Variants in NOS1AP observed in about 807,000 individuals in gnomAD.
NOS1AP encodes carboxyl-terminal PDZ ligand of neuronal nitric oxide synthase protein.
A neutral mutation model predicts 56.2 loss-of-function variants in NOS1AP; 21 were observed. The observed-to-expected ratio is 0.37, with a 90% confidence interval of 0.26 to 0.54. The LOEUF is 0.54. Among genes scored for constraint, NOS1AP ranks in the 20% least tolerant of loss-of-function variants. The pLI is 0.84. For missense variants in NOS1AP, 522 were observed against 657.8 expected (o/e 0.79, Z 2.26); for synonymous variants, 270 against 274.6 (o/e 0.98, Z 0.17).
At chr1:162,098,988 C>T (rs1015760174) in intron 1 of NOS1AP, among the ~76,000 whole-genome samples, 1 of 152,074 alleles carries the variant, frequency 6.6e-6, no homozygotes, top group Non-Finnish European at 1.5e-5. Flanking sequence ...GTGTATGTAT[C>T]CTTATAATAG....
chr1:162,357,247 C>T (rs1020346000), intron 8 of NOS1AP, 111 bp downstream of exon 8: 36 of 1,518,808 alleles, frequency 2.4e-5, no homozygotes, highest in Non-Finnish European at 2.9e-5. Flanking sequence ...CATAAGGAAT[C>T]GCTCATGCTA....
chr1:162,191,357 T>C (rs534333229), intron 2 of NOS1AP, among the ~76,000 whole-genome samples: 53 of 152,328 alleles, frequency 3.5e-4, no homozygotes, highest in Non-Finnish European at 4.0e-4. Context: ...GACTGTTCTT[T>C]CCTGGGGGGG....
chr1:162,240,398 AT>A (rs1453181746), intron 2 of NOS1AP, among the ~76,000 whole-genome samples: 4 of 152,146 alleles, frequency 2.6e-5, no homozygotes, highest in African/African-American at 9.7e-5. Context: ...TCAGGGAAAT[AT>A]TTTTGGCTTA....
chr1:162,264,196 C>T (rs750175791), intron 2 of NOS1AP, among the ~76,000 whole-genome samples: 8 of 152,128 alleles, frequency 5.3e-5, no homozygotes, highest in Non-Finnish European at 1.2e-4. Flanking sequence ...GGGTAAAGGC[C>T]ATACTTCTTC....
chr1:162,136,431 A>C (rs2102069112), intron 1 of NOS1AP, among the ~76,000 whole-genome samples: 1 of 152,314 alleles, frequency 6.6e-6, no homozygotes, highest in South Asian at 2.1e-4. Context: ...GATACAAAAG[A>C]AATGCAAGAC....
intron 2 of NOS1AP, among the ~76,000 whole-genome samples, chr1:162,169,053 C>T (rs981071603): frequency 6.6e-6 from 1 of 152,224 alleles, no homozygotes; most frequent in Non-Finnish European, 1.5e-5. Context: ...AGTCTTGCAC[C>T]CTTGGCGGGG....
chr1:162,234,450 CTCTTGGATGTCTCTTTTAT>C (rs764287438), intron 2 of NOS1AP, among the ~76,000 whole-genome samples: 3 of 142,014 alleles, frequency 2.1e-5, no homozygotes, highest in Non-Finnish European at 4.9e-5. Flanking sequence ...AGAAATTTTT[CTCTTGGATGTCTCTTTTAT>C]AGAAATTTTT....
At chr1:162,078,371 C>G (rs1691817424) in intron 1 of NOS1AP, among the ~76,000 whole-genome samples, 1 of 152,128 alleles carries the variant, frequency 6.6e-6, no homozygotes, top group Admixed American at 6.6e-5. Context: ...TTTAAAGTAC[C>G]CCTTGTATTC....
chr1:162,174,889 G>C (rs796595492), intron 2 of NOS1AP, among the ~76,000 whole-genome samples: 9 of 152,244 alleles, frequency 5.9e-5, no homozygotes, highest in Non-Finnish European at 8.8e-5. Flanking sequence ...TGGTGATCTT[G>C]ACAATTTTGG....
chr1:162,281,928 C>T (rs778781587), intron 2 of NOS1AP, among the ~76,000 whole-genome samples: 3 of 152,124 alleles, frequency 2.0e-5, no homozygotes, highest in African/African-American at 7.2e-5. Flanking sequence ...GGTGAAACCC[C>T]GTTTCTACTT....
intron 4 of NOS1AP, among the ~76,000 whole-genome samples, chr1:162,326,544 G>A (rs1201963556): frequency 6.6e-6 from 1 of 152,156 alleles, no homozygotes; most frequent in Non-Finnish European, 1.5e-5. Context: ...TAAGGAATTG[G>A]CTCACATGAT....
chr1:162,216,930 G>A (rs1297159170), intron 2 of NOS1AP, among the ~76,000 whole-genome samples: 1 of 152,158 alleles, frequency 6.6e-6, no homozygotes, highest in Non-Finnish European at 1.5e-5. Context: ...AACACATATA[G>A]CAAATTTAAA....
rs569034853 is a variant in NOS1AP at position 162,275,282 on chromosome 1, A to T, written c.178-12062A>T. On this transcript the variant is annotated intron_variant, in intron 2 of 9. Transcript: ENST00000361897. ...AACCTCTGCCTCCTGGGTTCCAGCGATTCTCTTGCCTCAGCCTCCTGAGTA... is the reference window on the plus strand; with the variant it reads ...AACCTCTGCCTCCTGGGTTCCAGCGTTTCTCTTGCCTCAGCCTCCTGAGTA... Among the ~76,000 whole-genome samples the T allele has an allele frequency of 3.3e-5, 5 of 152,098 alleles. No individual in the cohort carries two copies. In the East Asian group the frequency reaches 7.7e-4, roughly 23 times the overall value.
intron 2 of NOS1AP, among the ~76,000 whole-genome samples, chr1:162,167,998 CAA>C (rs33932029): frequency 2.2e-5 from 3 of 139,232 alleles, no homozygotes; most frequent in African/African-American, 2.7e-5. Context: ...AGTGGCTAGT[CAA>C]AAAAAAAAAA....
Position 162,248,654 on chromosome 1 carries a change from A to G in NOS1AP, c.178-38690A>G, listed in dbSNP as rs116521962. 6.3e-3 allele frequency among the ~76,000 whole-genome samples: 962 copies of G among 152,220 alleles called. 13 individuals carry two copies. Among genetic ancestry groups the G allele is most frequent in the African/African-American group, 0.022 (930 of 41,522 alleles). ...CTGGACCATGCTGATGAGCCTCACA[A>G]CTGAATGTTTCTCTAGAGATCCTAA... On this transcript the variant is annotated intron_variant, in intron 2 of 9. Transcript: ENST00000361897.
At chr1:162,174,567 T>A (rs940184787) in intron 2 of NOS1AP, among the ~76,000 whole-genome samples, 73 of 152,220 alleles carry the variant, frequency 4.8e-4, no homozygotes, top group African/African-American at 1.8e-3. Flanking sequence ...AATAATAATA[T>A]AATAAAAAAT....
At chr1:162,228,869 A>G (rs1396769366) in intron 2 of NOS1AP, among the ~76,000 whole-genome samples, 1 of 152,242 alleles carries the variant, frequency 6.6e-6, no homozygotes, top group Non-Finnish European at 1.5e-5. Flanking sequence ...GAGAAAAAAA[A>G]TACACAGGAG....
intron 2 of NOS1AP, among the ~76,000 whole-genome samples, chr1:162,212,759 G>A (rs142972411): frequency 2.0e-5 from 3 of 152,302 alleles, no homozygotes; most frequent in African/African-American, 7.2e-5. Context: ...TGAGATGGCT[G>A]TGGAGAGTCT....
intron 4 of NOS1AP, among the ~76,000 whole-genome samples, chr1:162,315,549 T>A (rs554310920): frequency 6.6e-6 from 1 of 152,284 alleles, no homozygotes; most frequent in East Asian, 1.9e-4. Context: ...GAGGTGAGGA[T>A]GACTGCGAGG....
Sources: allele counts gnomAD v4.1 joint callset (sites outside exome capture counted in the v4.1 genomes callset), GRCh38; gene constraint gnomAD v4.1.1; transcripts MANE v1.5; gene names NCBI Gene and HGNC (gene_info 2026-07-23, HGNC 2026-07-21).